DEPDC5: variants seen among roughly 807,000 people sequenced by gnomAD.
DEPDC5 encodes DEP domain containing 5, GATOR1 subcomplex subunit, also known as GATOR1 complex protein DEPDC5.
In DEPDC5, 73 loss-of-function variants were observed where a neutral mutation model predicts 217.3. That is an observed-to-expected ratio of 0.34 (90% confidence interval 0.28 to 0.41). The LOEUF (loss-of-function observed/expected upper bound fraction) is 0.41. Among genes scored for constraint, DEPDC5 ranks in the 10% least tolerant of loss-of-function variants. The probability of loss-of-function intolerance (pLI) is 1.00; values close to 1 mark genes in which losing one functional copy is unlikely to be tolerated. For missense variants in DEPDC5, 1,675 were observed against 2,070.1 expected, an observed-to-expected ratio of 0.81 and a Z score of 3.70; for synonymous variants, 733 against 756.7, an observed-to-expected ratio of 0.97 and a Z score of 0.51.
intron 12 of DEPDC5, among the ~76,000 whole-genome samples, chr22:31,797,099 G>C (rs1005094833): frequency 1.6e-4 from 24 of 150,584 alleles, no homozygotes; most frequent in African/African-American, 5.9e-4. Context: ...CTGTCACCAA[G>C]GCTGGAGTGC....
At chr22:31,790,583 G>T (rs545625253) in intron 10 of DEPDC5, among the ~76,000 whole-genome samples, 1 of 152,106 alleles carries the variant, frequency 6.6e-6, no homozygotes, top group East Asian at 1.9e-4. Context: ...CACCACCATG[G>T]GTGCTGTTCT....
In DEPDC5 at chr22:31,879,607, G is replaced by A. The variant is rs1338796439; in HGVS notation, c.3888G>A (p.Val1296=). Residue 1296 remains valine, a synonymous_variant, in exon 38 of 43, where the codon GTG becomes GTA. Transcript: ENST00000651528. ...GCTTCCAGCGCAAGTGGTTTGAGGT[G>A]GCCTTTGTGGCAGAAGAGCTCGTGC... The part of the protein sequence containing the change: ...FASFQRKWFE[V]AFVAEELVHS... 3 of 1,613,810 alleles carry A rather than the reference G, an allele frequency of 1.9e-6. No homozygotes were observed. The highest frequency in any genetic ancestry group is 1.7e-5 in the Admixed American group (1 of 60,004).
chr22:31,833,527 G>A (rs892165603), intron 24 of DEPDC5, among the ~76,000 whole-genome samples: 5 of 151,884 alleles, frequency 3.3e-5, no homozygotes, highest in African/African-American at 1.2e-4. Context: ...CTCTGTCGTC[G>A]CCCAGGTTGG....
At chr22:31,861,172 C>G (rs1256130616) in intron 32 of DEPDC5, among the ~76,000 whole-genome samples, 196 bp from the exon 33 acceptor site, 2 of 151,304 alleles carry the variant, frequency 1.3e-5, no homozygotes, top group East Asian at 3.9e-4. Flanking sequence ...CTCTCTCTCT[C>G]TCTCTCTTTT....
intron 32 of DEPDC5, among the ~76,000 whole-genome samples, chr22:31,859,927 G>T (rs182410863): frequency 6.6e-6 from 1 of 152,254 alleles, no homozygotes; most frequent in East Asian, 1.9e-4. Flanking sequence ...CAGTTAGAAG[G>T]GACACAGTGG....
chr22:31,763,924 T>C (rs948150348), intron 4 of DEPDC5, among the ~76,000 whole-genome samples: 15 of 152,036 alleles, frequency 9.9e-5, no homozygotes, highest in Middle Eastern at 3.4e-3. Flanking sequence ...ATGTTATGTT[T>C]GTTATGTTAT....
chr22:31,759,961 G>T (rs1416492900), intron 3 of DEPDC5, among the ~76,000 whole-genome samples: 1 of 151,982 alleles, frequency 6.6e-6, no homozygotes, highest in East Asian at 1.9e-4. Flanking sequence ...GGGATTATAG[G>T]CATGAGCCAC....
intron 38 of DEPDC5, among the ~76,000 whole-genome samples, chr22:31,892,541 G>C (rs770440588): frequency 1.3e-5 from 2 of 152,102 alleles, no homozygotes; most frequent in Non-Finnish European, 2.9e-5. Flanking sequence ...AAAATTAGCC[G>C]GGTGTGGTGG....
chr22:31,875,704 G>C (rs2092973316), intron 36 of DEPDC5: 1 of 140,970 alleles, frequency 7.1e-6, no homozygotes, highest in Non-Finnish European at 1.5e-5. Context: ...GCTAATCTCA[G>C]CTCATTGCAA....
chr22:31,764,143 A>G (rs1046491863), intron 4 of DEPDC5, among the ~76,000 whole-genome samples: 2 of 152,052 alleles, frequency 1.3e-5, no homozygotes, highest in African/African-American at 4.8e-5. Context: ...CATGTTGGTC[A>G]GGCTGGTCTT....
intron 30 of DEPDC5, among the ~76,000 whole-genome samples, chr22:31,845,767 ATG>A (rs113529867): frequency 1.0e-4 from 15 of 149,170 alleles, no homozygotes; most frequent in African/African-American, 2.5e-4. Context: ...GTGTGTGTGT[ATG>A]TGTGTGTGTG....
intron 7 of DEPDC5, among the ~76,000 whole-genome samples, chr22:31,772,093 G>A (rs149118595): frequency 6.4e-4 from 98 of 152,066 alleles, no homozygotes; most frequent in African/African-American, 2.3e-3. Context: ...AAGAACGGGG[G>A]TTGGTGTCAG....
Position 31,837,009 on chromosome 22 carries a change from C to A in DEPDC5, c.2208C>A (p.Phe736Leu). Residue 736 changes from phenylalanine (F) to leucine (L), a missense_variant, in exon 26 of 43, where the codon TTC becomes TTA. Around this residue, in one of 11 missense-constraint regions of DEPDC5, gnomAD observed 136 missense variants for 132.2 expected, o/e 1.03. Transcript: ENST00000651528. ...CTGCTCCCCCTGTAGTGCCAGGCTT[C>A]TGTTGCACAGTTGGAGTGGACTGGA... ...TLSAPPVVPG[F>L]CCTVGVDWKS... The A allele has an allele frequency of 6.2e-7, 1 of 1,614,018 alleles. No individual in the cohort carries two copies. Among genetic ancestry groups the A allele is most frequent in the South Asian group, 1.1e-5 (1 of 91,068 alleles).
chr22:31,794,349 AT>A (rs1214449761), intron 12 of DEPDC5, among the ~76,000 whole-genome samples: 1 of 152,144 alleles, frequency 6.6e-6, no homozygotes, highest in East Asian at 1.9e-4. Flanking sequence ...TTAACAGTAT[AT>A]GCAGTTTTAT....
chr22:31,887,454 G>A (rs545062293), intron 38 of DEPDC5, among the ~76,000 whole-genome samples: 1 of 138,396 alleles, frequency 7.2e-6, no homozygotes, highest in Admixed American at 7.3e-5. Context: ...AAAGTCATAT[G>A]TCCAAAAAAT....
intron 8 of DEPDC5, among the ~76,000 whole-genome samples, chr22:31,779,849 T>G (rs957775977): frequency 6.6e-6 from 1 of 152,180 alleles, no homozygotes; most frequent in Non-Finnish European, 1.5e-5. Flanking sequence ...AGAGCTGATA[T>G]AATCACCTCC....
chr22:31,844,031 G>C (rs2091561937), intron 29 of DEPDC5, among the ~76,000 whole-genome samples: 1 of 151,990 alleles, frequency 6.6e-6, no homozygotes, highest in Non-Finnish European at 1.5e-5. Flanking sequence ...TTCGAGACCA[G>C]CCTGGCCAGC....
chr22:31,881,773 C>T (rs997704531), intron 38 of DEPDC5, among the ~76,000 whole-genome samples: 1 of 151,774 alleles, frequency 6.6e-6, no homozygotes, highest in African/African-American at 2.4e-5. Flanking sequence ...TGATGAAACC[C>T]CATCTCTACT....
chr22:31,901,590 C>G, intron 40 of DEPDC5, 152 bp from the exon 41 acceptor site: 1 of 624,012 alleles, frequency 1.6e-6, no homozygotes, highest in Non-Finnish European at 2.8e-6. Context: ...GGGATGGAGG[C>G]CAGTCTTTCT....
Sources: allele counts gnomAD v4.1 joint callset (sites outside exome capture counted in the v4.1 genomes callset), GRCh38; gene constraint gnomAD v4.1.1; regional missense constraint gnomAD v4.1.1; transcripts MANE v1.5; gene names NCBI Gene and HGNC (gene_info 2026-07-23, HGNC 2026-07-21).